The following STAP1 variants were observed in gnomAD, a reference collection of about 807,000 sequenced individuals.
STAP1 encodes signal transducing adaptor family member 1, also known as signal-transducing adaptor protein 1.
Under a neutral mutation model 37.8 loss-of-function variants are expected in STAP1, and 30 were observed. The observed-to-expected ratio is 0.79, with a 90% CI of 0.59 to 1.08. The LOEUF (loss-of-function observed/expected upper bound fraction) is 1.08, where lower values mean the gene tolerates loss of function less well. STAP1 is among the 50% of genes least tolerant of loss of function. STAP1 has a pLI of 0.00. For synonymous variants in STAP1, 130 were observed against 116.0 expected (o/e 1.12, Z -0.78); for missense variants, 357 against 349.4 (o/e 1.02, Z -0.17).
intron 6 of STAP1, 87 bp downstream of exon 6, chr4:67,583,789 C>T (rs904813047): frequency 5.5e-6 from 8 of 1,462,364 alleles, no homozygotes; most frequent in African/African-American, 2.9e-5. Context: ...CTATGTGTTT[C>T]GTTGGGGCTG....
intron 8 of STAP1, among the ~76,000 whole-genome samples, chr4:67,601,124 G>T (rs1301749554): frequency 6.6e-6 from 1 of 151,478 alleles, no homozygotes; most frequent in Admixed American, 6.6e-5. Flanking sequence ...TTTATTTTTT[G>T]TGTATGTTGT....
chr4:67,585,224 G>C lies in STAP1; in HGVS notation c.659+1522G>C, dbSNP rs188465541. Among the ~76,000 whole-genome samples the C allele has an allele frequency of 1.6e-3, 239 of 152,166 alleles. 3 individuals are homozygous for C. Among genetic ancestry groups the C allele is most frequent in the African/African-American group, 3.1e-3 (130 of 41,492 alleles). Reference sequence around the variant, plus strand: ...ATTTGAATTTGCTATTCCTTATGGGGATAATATTATTTTATTAAATTTTAT... The same window carrying C: ...ATTTGAATTTGCTATTCCTTATGGGCATAATATTATTTTATTAAATTTTAT... On this transcript the variant is annotated intron_variant, in intron 6 of 8. Coordinates refer to ENST00000265404, the MANE Select transcript of STAP1 (RefSeq NM_012108.4).
chr4:67,575,614 A>G, intron 3 of STAP1, 116 bp downstream of exon 3: 1 of 775,662 alleles, frequency 1.3e-6, no homozygotes, highest in East Asian at 3.0e-5. Context: ...CACTTTGTTA[A>G]TATTTTTGCT....
chr4:67,561,671 T>A (rs1019937218), intron 1 of STAP1, among the ~76,000 whole-genome samples: 2 of 152,158 alleles, frequency 1.3e-5, no homozygotes, highest in African/African-American at 4.8e-5. Flanking sequence ...ACCAGGAAGA[T>A]GTGTTTATTA....
intron 1 of STAP1, among the ~76,000 whole-genome samples, chr4:67,565,004 C>T (rs992743119): frequency 3.9e-5 from 6 of 152,162 alleles, no homozygotes; most frequent in South Asian, 2.1e-4. Context: ...CTGCACTGTT[C>T]CTCACCTGCT....
At chr4:67,593,388 GAAACAAAACA>G (rs368722145) in intron 8 of STAP1, 32 bp downstream of exon 8, 27 of 1,510,968 alleles carry the variant, frequency 1.8e-5, no homozygotes, top group Non-Finnish European at 2.4e-5. Flanking sequence ...TATGTTAAGG[GAAACAAAACA>G]AAACAAAACA....
intron 5 of STAP1, among the ~76,000 whole-genome samples, chr4:67,582,312 G>T (rs200217768): frequency 2.2e-4 from 32 of 147,446 alleles, no homozygotes; most frequent in South Asian, 6.4e-4. Flanking sequence ...TTTTTTTTTT[G>T]TTTTTTTTGT....
At chr4:67,591,370 T>C (rs921673941) in intron 7 of STAP1, among the ~76,000 whole-genome samples, 6 of 152,220 alleles carry the variant, frequency 3.9e-5, no homozygotes, top group African/African-American at 1.4e-4. Context: ...TTATTTGTCT[T>C]GAACTCTTCT....
At chr4:67,583,533 A>C in intron 5 of STAP1, 41 bp from the exon 6 acceptor site, 4 of 1,550,958 alleles carry the variant, frequency 2.6e-6, no homozygotes, top group Non-Finnish European at 3.5e-6. Flanking sequence ...GATCTTCATC[A>C]GTTAAAAAAA....
chr4:67,573,270 T>G (rs1727645537), intron 2 of STAP1, among the ~76,000 whole-genome samples: 1 of 152,198 alleles, frequency 6.6e-6, no homozygotes, highest in Non-Finnish European at 1.5e-5. Flanking sequence ...GCAGAGGTGC[T>G]CAGGAGGCAT....
chr4:67,572,895 T>C (rs1302431202), intron 2 of STAP1, among the ~76,000 whole-genome samples: 2 of 152,212 alleles, frequency 1.3e-5, no homozygotes, highest in Non-Finnish European at 2.9e-5. Flanking sequence ...ATACGAAAGG[T>C]ACAATCCAGG....
chr4:67,599,642 CT>C (rs879875528), intron 8 of STAP1, among the ~76,000 whole-genome samples: 68 of 144,328 alleles, frequency 4.7e-4, no homozygotes, highest in African/African-American at 4.8e-4. Flanking sequence ...TTTTCTTTTT[CT>C]TTTTTTTTTT....
chr4:67,563,366 C>T (rs13111765), intron 1 of STAP1, among the ~76,000 whole-genome samples: 2,015 of 152,246 alleles, frequency 0.013, 9 homozygotes, highest in Non-Finnish European at 0.022. Flanking sequence ...TCACTGTGAT[C>T]CTTACAGTAA....
chr4:67,598,982 A>G (rs1488038786), intron 8 of STAP1, among the ~76,000 whole-genome samples: 3 of 152,144 alleles, frequency 2.0e-5, no homozygotes, highest in African/African-American at 4.8e-5. Flanking sequence ...TCATATAACT[A>G]TTGTTCTTCA....
At chr4:67,581,281 G>A in intron 4 of STAP1, 24 bp from the exon 5 acceptor site, 3 of 1,604,282 alleles carry the variant, frequency 1.9e-6, no homozygotes, top group Non-Finnish European at 2.6e-6. Context: ...TTTCTTGCCT[G>A]CCTACTCTTT....
chr4:67,561,375 G>A (rs1727334121), intron 1 of STAP1, among the ~76,000 whole-genome samples: 1 of 152,182 alleles, frequency 6.6e-6, no homozygotes, highest in South Asian at 2.1e-4. Flanking sequence ...TTGGGTCTCT[G>A]CCAAAGTCAT....
chr4:67,582,271 C>T (rs1221154293), intron 5 of STAP1, among the ~76,000 whole-genome samples: 1 of 151,544 alleles, frequency 6.6e-6, no homozygotes, highest in Non-Finnish European at 1.5e-5. Context: ...CTTGTTCCAC[C>T]GCTCAGAGAT....
rs772720957 is a variant in STAP1, at chr4:67,575,439, A to G, written c.247A>G (p.Thr83Ala). The change falls in exon 3 of 9, where the codon ACT becomes GCT. Residue 83 changes from threonine to alanine, a missense_variant. Transcript: ENST00000265404. ...DLTCLTEQNS[T>A]EKNCAKFTLV... ...CACATGCCTTACTGAGCAGAATTCAACTGAAAAGAACTGTGCGAAATTCAC... is the reference window on the plus strand; with the variant it reads ...CACATGCCTTACTGAGCAGAATTCAGCTGAAAAGAACTGTGCGAAATTCAC... 3.7e-6 allele frequency: 6 copies of G among 1,605,474 alleles called. No homozygotes were observed. Among genetic ancestry groups the G allele is most frequent in the Admixed American group, 3.5e-5 (2 of 57,334 alleles).
chr4:67,599,080 G>A lies in STAP1; in HGVS notation c.826+5724G>A, dbSNP rs112539240. On this transcript the variant is annotated intron_variant, in intron 8 of 8. Transcript: ENST00000265404. ...GGGATGATAAATCCCACTTGATCAC[G>A]TTGGATAATCTAATATGTTGTTGAA... 1.9e-3 allele frequency among the ~76,000 whole-genome samples: 292 copies of A among 152,282 alleles called. 1 individual carries two copies. Among genetic ancestry groups the A allele is most frequent in the African/African-American group, 6.7e-3 (279 of 41,548 alleles).
Sources: allele counts gnomAD v4.1 joint callset (sites outside exome capture counted in the v4.1 genomes callset), GRCh38; gene constraint gnomAD v4.1.1; transcripts MANE v1.5; gene names NCBI Gene and HGNC (gene_info 2026-07-23, HGNC 2026-07-21).